IQUB: variants seen among roughly 807,000 people sequenced by gnomAD.
IQUB encodes IQ motif and ubiquitin domain containing, also known as IQ motif and ubiquitin-like domain-containing protein.
A neutral mutation model predicts 86.4 loss-of-function variants in IQUB; 86 were observed. The observed-to-expected ratio is 1.00, with a 90% CI of 0.84 to 1.19. The LOEUF (loss-of-function observed/expected upper bound fraction) is 1.19, where lower values mean the gene tolerates loss of function less well. Among genes scored for constraint, IQUB ranks in the 50% most tolerant of loss-of-function variants. The probability of loss-of-function intolerance (pLI) is 0.00; values close to 1 mark genes in which losing one functional copy is unlikely to be tolerated. For missense variants in IQUB, 946 were observed against 916.9 expected (o/e 1.03, Z -0.41); for synonymous variants, 289 against 304.5 (o/e 0.95, Z 0.53).
intron 9 of IQUB, among the ~76,000 whole-genome samples, chr7:123,467,072 C>T (rs1234023483): frequency 6.6e-6 from 1 of 151,712 alleles, no homozygotes; most frequent in African/African-American, 2.4e-5. Context: ...ATTATATAAG[C>T]TTACATTAAA....
At chr7:123,487,034 A>G (rs1231338737) in intron 7 of IQUB, among the ~76,000 whole-genome samples, 1 of 152,142 alleles carries the variant, frequency 6.6e-6, no homozygotes, top group Non-Finnish European at 1.5e-5. Context: ...ATGGGAGGTG[A>G]CTGGATCATG....
intron 8 of IQUB, among the ~76,000 whole-genome samples, chr7:123,477,956 G>A (rs1019850664): frequency 1.7e-4 from 26 of 152,162 alleles, no homozygotes; most frequent in Admixed American, 1.6e-3. Flanking sequence ...TGCTGGAGAG[G>A]ATGTGGAGAA....
intron 1 of IQUB, among the ~76,000 whole-genome samples, chr7:123,521,681 C>CAGAG (rs1554366626): frequency 6.6e-6 from 1 of 151,018 alleles, no homozygotes; most frequent in Non-Finnish European, 1.5e-5. Context: ...CACACACACA[C>CAGAG]AGAGATCACA....
chr7:123,464,852 T>G lies in IQUB; in HGVS notation c.1739A>C (p.Glu580Ala), dbSNP rs1422821695. Residue 580 changes from glutamate (E) to alanine (A), a missense_variant, in exon 10 of 13, where the codon GAA becomes GCA. Transcript: ENST00000324698. ...GAATACCTTAAGGTATTTTGCAACT[T>G]CAGGATTAAACAGAGGTGTTTTGAT... is the stretch of plus-strand genomic sequence containing the variant. The part of the protein sequence containing the change: ...HYIKTPLFNP[E>A]VAKYLKVPQD... The G allele has an allele frequency of 4.4e-6, 7 of 1,584,286 alleles. No individual in the cohort carries two copies. Among genetic ancestry groups the G allele is most frequent in the Non-Finnish European group, 5.1e-6 (6 of 1,169,628 alleles).
intron 8 of IQUB, among the ~76,000 whole-genome samples, chr7:123,477,036 C>T (rs934730063): frequency 3.3e-5 from 5 of 152,072 alleles, no homozygotes; most frequent in African/African-American, 1.2e-4. Context: ...CGATTCAATG[C>T]CATCCCCATC....
At chr7:123,527,144 G>A (rs563736674) in intron 1 of IQUB, among the ~76,000 whole-genome samples, 10 of 152,162 alleles carry the variant, frequency 6.6e-5, no homozygotes, top group South Asian at 2.1e-4. Context: ...CGTAGTTCTC[G>A]AGCCTTGGTT....
At chr7:123,464,059 AAT>A (rs1794131039) in intron 10 of IQUB, among the ~76,000 whole-genome samples, 1 of 151,692 alleles carries the variant, frequency 6.6e-6, no homozygotes, top group South Asian at 2.1e-4. Context: ...TAAATATGAG[AAT>A]TTGTTTTTTC....
chr7:123,466,891 A>T (rs1348029168), intron 9 of IQUB, among the ~76,000 whole-genome samples: 2 of 152,110 alleles, frequency 1.3e-5, no homozygotes, highest in Non-Finnish European at 2.9e-5. Context: ...CTGACCATGC[A>T]GTTACCTAAT....
In IQUB at chr7:123,452,644, A is replaced by G. The variant is rs1293550311; in HGVS notation, c.*99T>C. ...CTATGAAAAACAAAAAACAAAATCA[A>G]TAAACAGATTAAATTCCATTTCCAT... On this transcript the variant is annotated 3_prime_UTR_variant, in exon 13 of 13. Transcript: ENST00000324698. The G allele has an allele frequency of 5.6e-6, 4 of 714,150 alleles. No individual in the cohort carries two copies. The highest frequency in any genetic ancestry group is 5.4e-5 in the African/African-American group (3 of 55,756). 44.2% of individuals were successfully genotyped at this position (714,150 alleles called of 1,614,324 possible).
chr7:123,458,128 AC>A, intron 11 of IQUB: 1 of 151,980 alleles, frequency 6.6e-6, no homozygotes, highest in East Asian at 1.9e-4. Context: ...TAAGTAATTC[AC>A]TTAGTGTTAA....
rs768704340 is a variant in IQUB at position 123,503,297 on chromosome 7, A to G, written c.599T>C (p.Val200Ala). 2.0e-5 allele frequency: 32 copies of G among 1,603,618 alleles called. No individual in the cohort carries two copies. In the Middle Eastern group the frequency reaches 5.0e-4, roughly 25 times the overall value. ...HGVKPQEIVQ[V>A]EIFSTNPDLY... Reference sequence around the variant, plus strand: ...ATCTGGATTTGTAGAAAAGATTTCCACTTGTACAATTTCCTGTGGCTTAAC... The same window carrying G: ...ATCTGGATTTGTAGAAAAGATTTCCGCTTGTACAATTTCCTGTGGCTTAAC... The change falls in exon 4 of 13, where the codon GTG (valine) becomes GCG (alanine). Residue 200 changes from valine (V) to alanine (A), a missense_variant. Coordinates refer to ENST00000324698, the MANE Select transcript of IQUB (RefSeq NM_178827.5).
rs1797357203 is a variant in IQUB at position 123,528,232 on chromosome 7, A to G, written c.-5+6260T>C. On this transcript the variant is annotated intron_variant, in intron 1 of 12. Transcript: ENST00000324698. ...CCACTGTCTGGCACTCCCTAGTGAGATGAACCCTGTACCTCAGATGGAAAT... is the reference window on the plus strand; with the variant it reads ...CCACTGTCTGGCACTCCCTAGTGAGGTGAACCCTGTACCTCAGATGGAAAT... Among the ~76,000 whole-genome samples the G allele has an allele frequency of 2.0e-5, 3 of 152,306 alleles. No individual in the cohort carries two copies. In the South Asian group the frequency reaches 6.2e-4, roughly 32 times the overall value.
At chr7:123,510,182 C>T (rs4276609) in intron 2 of IQUB, 147 bp from the exon 3 acceptor site, 164,478 of 555,052 alleles carry the variant, frequency 0.3, 25,607 homozygotes, top group East Asian at 0.41. Context: ...TGCTGTGCCC[C>T]AATGATAACA....
chr7:123,491,492 A>C (rs1190898401), intron 7 of IQUB, among the ~76,000 whole-genome samples: 2 of 152,200 alleles, frequency 1.3e-5, no homozygotes, highest in Non-Finnish European at 2.9e-5. Context: ...CAGTATCAGT[A>C]ATTGAGGTAA....
intron 3 of IQUB, among the ~76,000 whole-genome samples, chr7:123,504,869 C>A (rs1042995788): frequency 1.3e-5 from 2 of 152,144 alleles, no homozygotes; most frequent in African/African-American, 4.8e-5. Context: ...CTCATTTCAG[C>A]AATAACTCTA....
At chr7:123,530,923 C>A (rs1256405806) in intron 1 of IQUB, among the ~76,000 whole-genome samples, 1 of 151,992 alleles carries the variant, frequency 6.6e-6, no homozygotes, top group Non-Finnish European at 1.5e-5. Context: ...GTGCTCCGCC[C>A]GCCTCGGCCA....
At chr7:123,534,099 G>C (rs1335290218) in intron 1 of IQUB, among the ~76,000 whole-genome samples, 1 of 152,146 alleles carries the variant, frequency 6.6e-6, no homozygotes, top group East Asian at 1.9e-4. Flanking sequence ...TGCCAGGTGA[G>C]GAAAGTCTAA....
At chr7:123,500,752 G>A (rs188886384) in intron 6 of IQUB, among the ~76,000 whole-genome samples, 97 of 151,434 alleles carry the variant, frequency 6.4e-4, no homozygotes, top group African/African-American at 2.2e-3. Flanking sequence ...TGCCATCCTC[G>A]TTGGCAGCAT....
At chr7:123,460,854 C>A (rs561452628) in intron 11 of IQUB, among the ~76,000 whole-genome samples, 1 of 151,870 alleles carries the variant, frequency 6.6e-6, no homozygotes, top group Middle Eastern at 3.4e-3. Context: ...AAGCAGATTA[C>A]GTAGGGTCAA....
Sources: allele counts gnomAD v4.1 joint callset (sites outside exome capture counted in the v4.1 genomes callset), GRCh38; gene constraint gnomAD v4.1.1; transcripts MANE v1.5; gene names NCBI Gene and HGNC (gene_info 2026-07-23, HGNC 2026-07-21).